Variants in NINL observed in about 807,000 individuals in gnomAD.
NINL encodes the protein ninein-like protein.
NINL carries 153 observed loss-of-function variants against 160.3 expected under a neutral mutation model. The observed-to-expected ratio is 0.95, with a 90% CI of 0.84 to 1.09. NINL has a LOEUF of 1.09. NINL is among the 50% of genes least tolerant of loss of function. NINL has a pLI of 0.00. For synonymous variants in NINL, 800 were observed against 734.8 expected (o/e 1.09, Z -1.43); for missense variants, 1,829 against 1,764.0 (o/e 1.04, Z -0.66).
Position 25,476,970 on chromosome 20 carries a change from T to C in NINL, c.2321A>G (p.Gln774Arg), listed in dbSNP as rs1258613752. 2 of 1,607,462 alleles carry C rather than the reference T, an allele frequency of 1.2e-6. No individual in the cohort carries two copies. Among genetic ancestry groups the C allele is most frequent in the African/African-American group, 1.3e-5 (1 of 74,928 alleles). Residue 774 changes from glutamine to arginine, a missense_variant, in exon 17 of 24, where the codon CAG becomes CGG. Physicochemically the swap from Gln to Arg is conservative, Grantham distance 43. Coordinates refer to ENST00000278886, the MANE Select transcript of NINL (RefSeq NM_025176.6). Reference sequence around the variant, plus strand: ...CTCCAGCTCCAGCTGCTCCGACCTCTGGCTCCCGCGTGGCAGGGGTCCCTG... The same window carrying C: ...CTCCAGCTCCAGCTGCTCCGACCTCCGGCTCCCGCGTGGCAGGGGTCCCTG... ...PPQGPLPRGS[Q>R]RSEQLELERA... is the part of the protein sequence containing the mutation.
intron 1 of NINL, among the ~76,000 whole-genome samples, chr20:25,533,186 C>T (rs1378429171): frequency 1.3e-5 from 2 of 152,134 alleles, no homozygotes; most frequent in Non-Finnish European, 1.5e-5. Flanking sequence ...GAAGATGGGG[C>T]TTAGAATTCC....
intron 17 of NINL, among the ~76,000 whole-genome samples, chr20:25,472,947 A>G (rs2063140720): frequency 6.6e-6 from 1 of 152,244 alleles, no homozygotes; most frequent in Non-Finnish European, 1.5e-5. Flanking sequence ...CATTTGTGAG[A>G]GCCAAAAACT....
chr20:25,550,427 C>G (rs1343118611), intron 1 of NINL, among the ~76,000 whole-genome samples: 1 of 152,132 alleles, frequency 6.6e-6, no homozygotes, highest in African/African-American at 2.4e-5. Context: ...GACACAGAGA[C>G]AAAGTATAGA....
intron 1 of NINL, among the ~76,000 whole-genome samples, chr20:25,548,914 A>C (rs1156450288): frequency 1.8e-5 from 2 of 110,264 alleles, no homozygotes; most frequent in South Asian, 3.4e-4. Context: ...GGCTGACCCC[A>C]GCACCCACGG....
At chr20:25,453,692 T>C (rs771962933) in intron 23 of NINL, 50 bp from the exon 24 acceptor site, 19 of 1,502,116 alleles carry the variant, frequency 1.3e-5, no homozygotes, top group Admixed American at 1.0e-4. Flanking sequence ...GGAGAAACGC[T>C]ACAGATCAGC....
At chr20:25,493,618 T>G (rs1354128410) in intron 10 of NINL, among the ~76,000 whole-genome samples, 4 of 151,970 alleles carry the variant, frequency 2.6e-5, no homozygotes, top group African/African-American at 9.7e-5. Context: ...AGCAACAAAG[T>G]CAAGGTCACC....
chr20:25,453,875 C>T (rs745640874), intron 23 of NINL, among the ~76,000 whole-genome samples: 1 of 151,962 alleles, frequency 6.6e-6, no homozygotes, highest in Non-Finnish European at 1.5e-5. Context: ...ACGGTGAAAC[C>T]CCATCTCTAC....
intron 5 of NINL, among the ~76,000 whole-genome samples, chr20:25,510,004 G>C (rs964151866): frequency 6.6e-6 from 1 of 152,230 alleles, no homozygotes; most frequent in Non-Finnish European, 1.5e-5. Flanking sequence ...GGGAGCTGAA[G>C]TCTCAATCAT....
Position 25,526,527 on chromosome 20 carries a change from T to C in NINL, c.61A>G (p.Thr21Ala). The change falls in exon 2 of 24, where the codon ACC becomes GCC. Residue 21 changes from threonine to alanine, a missense_variant. Coordinates refer to ENST00000278886, the MANE Select transcript of NINL (RefSeq NM_025176.6). ...QLREVYSSCDTTGTGFLDRQE... is the reference protein window; with the variant it reads ...QLREVYSSCDATGTGFLDRQE... ...CGGTCCAGAAAGCCAGTCCCCGTGG[T>C]GTCGCAGCTGCTGTAGACTTCCCTG... 1.2e-6 allele frequency: 2 copies of C among 1,614,246 alleles called. No homozygotes were observed. The highest frequency in any genetic ancestry group is 2.7e-5 in the African/African-American group (2 of 75,062).
Position 25,482,072 on chromosome 20 carries a change from T to A in NINL, c.1706A>T (p.Gln569Leu). 1 of 1,598,346 alleles carries A rather than the reference T, an allele frequency of 6.3e-7. No individual in the cohort carries two copies. Among genetic ancestry groups the A allele is most frequent in the South Asian group, 1.1e-5 (1 of 91,054 alleles). The part of the protein sequence containing the change: ...RDLQDRNDEL[Q>L]AELEGLWARL... ...CGCCCACAGGCCTTCCAGCTCAGCT[T>A]GCAGCTCATCGTTGCGGTCCTGCAG... Residue 569 changes from glutamine (Q) to leucine (L), a missense_variant, in exon 14 of 24, where the codon CAA becomes CTA. Coordinates refer to ENST00000278886, the MANE Select transcript of NINL (RefSeq NM_025176.6).
intron 1 of NINL, among the ~76,000 whole-genome samples, chr20:25,529,798 G>A (rs865786818): frequency 7.2e-5 from 11 of 152,182 alleles, no homozygotes; most frequent in Middle Eastern, 3.4e-3. Flanking sequence ...CTGTGATAGC[G>A]CCACTGCACT....
At chr20:25,496,636 A>T in intron 10 of NINL, 27 bp downstream of exon 10, 1 of 1,602,596 alleles carries the variant, frequency 6.2e-7, no homozygotes, top group Non-Finnish European at 8.5e-7. Context: ...CCCAGGTAAG[A>T]ATCCACCACC....
Position 25,488,826 on chromosome 20 carries a change from T to G in NINL, c.1677+418A>C, listed in dbSNP as rs2063557924. On this transcript the variant is annotated intron_variant, in intron 13 of 23. Coordinates refer to ENST00000278886, the MANE Select transcript of NINL (RefSeq NM_025176.6). ...AATTTTTACCATGGTAAATATTAAA[T>G]TTAATCCATATAACCTACATCAACA... Among the ~76,000 whole-genome samples, 3 of 152,148 alleles carry G rather than the reference T, an allele frequency of 2.0e-5. No homozygotes were observed. The South Asian group carries it at 6.2e-4, about 32-fold the overall frequency.
chr20:25,456,564 A>G (rs1371977827), intron 22 of NINL, among the ~76,000 whole-genome samples: 1 of 151,844 alleles, frequency 6.6e-6, no homozygotes, highest in Non-Finnish European at 1.5e-5. Context: ...AAAACACAAA[A>G]AACAAAAACA....
chr20:25,466,311 T>C (rs2062911512), intron 19 of NINL, among the ~76,000 whole-genome samples: 1 of 152,076 alleles, frequency 6.6e-6, no homozygotes, highest in East Asian at 1.9e-4. Flanking sequence ...TATGAGGCAC[T>C]GCACCCGGCC....
intron 2 of NINL, among the ~76,000 whole-genome samples, chr20:25,523,044 A>G (rs2064290848): frequency 6.6e-6 from 1 of 152,220 alleles, no homozygotes; most frequent in African/African-American, 2.4e-5. Flanking sequence ...TAGTATTTGC[A>G]TATAACCTAT....
intron 13 of NINL, among the ~76,000 whole-genome samples, chr20:25,483,902 A>C (rs1201031524): frequency 6.6e-6 from 1 of 152,208 alleles, no homozygotes; most frequent in Non-Finnish European, 1.5e-5. Context: ...CCAGCCCTGC[A>C]GCCTGAGTGG....
At chr20:25,563,754 G>T (rs1279931046) in intron 1 of NINL, among the ~76,000 whole-genome samples, 1 of 152,094 alleles carries the variant, frequency 6.6e-6, no homozygotes, top group Non-Finnish European at 1.5e-5. Flanking sequence ...AGAGACTATG[G>T]AGTAAAGAAA....
chr20:25,538,173 C>A (rs2064594247), intron 1 of NINL, among the ~76,000 whole-genome samples: 1 of 152,148 alleles, frequency 6.6e-6, no homozygotes, highest in Non-Finnish European at 1.5e-5. Flanking sequence ...ATAGGCGTGG[C>A]CTGTGCACCT....
Sources: allele counts gnomAD v4.1 joint callset (sites outside exome capture counted in the v4.1 genomes callset), GRCh38; gene constraint gnomAD v4.1.1; transcripts MANE v1.5; gene names NCBI Gene and HGNC (gene_info 2026-07-23, HGNC 2026-07-21).